Variants in CHURC1 observed in about 807,000 individuals in gnomAD.
CHURC1 encodes the protein protein Churchill.
Under a neutral mutation model 15.4 loss-of-function variants are expected in CHURC1, and 12 were observed. The ratio of observed to expected loss-of-function variants is 0.78; its 90% confidence interval spans 0.50 to 1.27. The LOEUF (loss-of-function observed/expected upper bound fraction) is 1.27, where lower values mean the gene tolerates loss of function less well. CHURC1 is among the 50% of genes most tolerant of loss of function. CHURC1 has a pLI of 0.00. For synonymous variants in CHURC1, 42 were observed against 47.5 expected (o/e 0.88, Z 0.48); for missense variants, 132 against 137.8 (o/e 0.96, Z 0.21).
chr14:64,926,920 G>A (rs1884751313), intron 3 of CHURC1, among the ~76,000 whole-genome samples: 1 of 152,162 alleles, frequency 6.6e-6, no homozygotes, highest in African/African-American at 2.4e-5. Context: ...GGCAGTCGGG[G>A]AGAGCCAGGG....
In CHURC1 at chr14:64,920,008, A is replaced by G. The variant is rs187481102; in HGVS notation, c.40-3983A>G. Among the ~76,000 whole-genome samples, 3 of 152,256 alleles carry G rather than the reference A, an allele frequency of 2.0e-5. No homozygotes were observed. In the East Asian group the frequency reaches 5.8e-4, roughly 29 times the overall value. On this transcript the variant is annotated intron_variant, in intron 1 of 3. Transcript: ENST00000549115. ...TGAGAGAATACAGTAGAGAAAATCA[A>G]TGAAACAAAAAATTGGTTCTTTAAG...
intron 3 of CHURC1, among the ~76,000 whole-genome samples, chr14:64,931,194 CT>C (rs779737721): frequency 1.1e-4 from 17 of 152,218 alleles, no homozygotes; most frequent in Non-Finnish European, 2.1e-4. Context: ...AAATATGTCT[CT>C]GTAGTTTATG....
intron 1 of CHURC1, among the ~76,000 whole-genome samples, chr14:64,915,928 C>T (rs1883854271): frequency 6.6e-6 from 1 of 152,124 alleles, no homozygotes; most frequent in African/African-American, 2.4e-5. Context: ...ATTTTTGGCT[C>T]TTAGGAGACA....
rs1415026064 is a variant in CHURC1 at position 64,914,463 on chromosome 14, C to T, written c.-33C>T. ...TCGCGAGGTTTCGTCTTCCCGGAAG[C>T]GTTGGAGGACATTCCCTGTTGACTG... On this transcript the variant is annotated 5_prime_UTR_variant, in exon 1 of 4. Transcript: ENST00000549115. 1.1e-5 allele frequency: 17 copies of T among 1,614,182 alleles called. No individual in the cohort carries two copies. The East Asian group carries it at 2.2e-4, about 21-fold the overall frequency.
chr14:64,916,162 T>A (rs896797323), intron 1 of CHURC1, among the ~76,000 whole-genome samples: 9 of 152,120 alleles, frequency 5.9e-5, no homozygotes, highest in Non-Finnish European at 8.8e-5. Flanking sequence ...TTACAAATAG[T>A]GTTGATGAAA....
chr14:64,934,019 T>A lies in CHURC1; in HGVS notation c.*1789T>A. The A allele has an allele frequency of 1.0e-6, 1 of 972,856 alleles. No homozygotes were observed. The highest frequency in any genetic ancestry group is 1.1e-4 in the East Asian group (1 of 8,696). The allele number at this position is 972,856 out of a possible 1,614,324, so 60.3% of individuals were successfully genotyped here. A position where few individuals can be genotyped will look rare whatever the true frequency, so the allele number is the denominator to read the frequency against. On this transcript the variant is annotated 3_prime_UTR_variant, in exon 4 of 4. Transcript: ENST00000549115. The stretch of plus-strand genomic sequence containing the variant: ...CTATTCTTTATTTCAGTGTAGCACT[T>A]TTAGAGCCAAAAAAACTCAGGCACA...
rs565626186 is a variant in CHURC1 at position 64,932,774 on chromosome 14, A to G, written c.*544A>G. On this transcript the variant is annotated 3_prime_UTR_variant, in exon 4 of 4. Transcript: ENST00000549115. ...GGTTATAACCCAAACTATATAATAA[A>G]TATTTACAAGCCCAAACTAATATAA... 1 of 152,436 alleles carries G rather than the reference A, an allele frequency of 6.6e-6. No individual in the cohort carries two copies. Among genetic ancestry groups the G allele is most frequent in the South Asian group, 2.1e-4 (1 of 4,838 alleles). 9.4% of individuals were successfully genotyped at this position (152,436 alleles called of 1,614,324 possible).
chr14:64,921,459 C>T (rs901923551), intron 1 of CHURC1, among the ~76,000 whole-genome samples: 11 of 139,032 alleles, frequency 7.9e-5, no homozygotes, highest in Non-Finnish European at 9.2e-5. Flanking sequence ...ATATAAAGAA[C>T]TCTTACAACT....
Position 64,933,998 on chromosome 14 carries a change from T to A in CHURC1, c.*1768T>A. On this transcript the variant is annotated 3_prime_UTR_variant, in exon 4 of 4. Transcript: ENST00000549115. ...TCATGAAAAGGTTTATATTCACTAT[T>A]CTTTATTTCAGTGTAGCACTTTTAG... The A allele has an allele frequency of 1.0e-6, 1 of 985,320 alleles. No homozygotes were observed. The highest frequency in any genetic ancestry group is 1.2e-6 in the Non-Finnish European group (1 of 829,916). The allele number at this position is 985,320 out of a possible 1,614,324, so 61.0% of individuals were successfully genotyped here.
intron 3 of CHURC1, among the ~76,000 whole-genome samples, chr14:64,929,591 C>A (rs1157850374): frequency 6.6e-6 from 1 of 151,672 alleles, no homozygotes; most frequent in Non-Finnish European, 1.5e-5. Context: ...TATTAAACAT[C>A]TTATAGGAGA....
At chr14:64,928,351 G>A (rs1450935547) in intron 3 of CHURC1, among the ~76,000 whole-genome samples, 3 of 152,112 alleles carry the variant, frequency 2.0e-5, no homozygotes, top group East Asian at 1.9e-4. Flanking sequence ...GTGCTCAGGC[G>A]ATCCTTCTGC....
intron 1 of CHURC1, among the ~76,000 whole-genome samples, chr14:64,917,145 G>T (rs986310291): frequency 2.6e-5 from 4 of 152,108 alleles, no homozygotes; most frequent in Non-Finnish European, 4.4e-5. Flanking sequence ...TTCAAAGAAA[G>T]AATTAGGTTG....
chr14:64,921,367 G>A (rs182231616), intron 1 of CHURC1, among the ~76,000 whole-genome samples: 27 of 152,222 alleles, frequency 1.8e-4, no homozygotes, highest in Middle Eastern at 6.8e-3. Flanking sequence ...ATCAAAACTT[G>A]TTTGCTCATT....
chr14:64,934,257 A>T lies in CHURC1; in HGVS notation c.*2027A>T. On this transcript the variant is annotated 3_prime_UTR_variant, in exon 4 of 4. Transcript: ENST00000549115. ...CCAGCAACATGGGAGGCTGAACAGG[A>T]GAATCGCTTGAACCCGCGACAGGGA... The T allele has an allele frequency of 3.2e-6, 1 of 316,458 alleles. No individual in the cohort carries two copies. 19.6% of individuals were successfully genotyped at this position (316,458 alleles called of 1,614,324 possible).
chr14:64,924,377 T>A, intron 2 of CHURC1: 1 of 288,308 alleles, frequency 3.5e-6, no homozygotes, highest in Non-Finnish European at 6.3e-6. Flanking sequence ...TATCAAATTA[T>A]TTTTCACGGA....
intron 1 of CHURC1, among the ~76,000 whole-genome samples, chr14:64,921,830 T>G (rs978780393): frequency 2.0e-5 from 3 of 152,210 alleles, no homozygotes; most frequent in Middle Eastern, 3.2e-3. Flanking sequence ...CATCCAAGAC[T>G]TGCACATGAA....
At chr14:64,916,072 A>G (rs1331140751) in intron 1 of CHURC1, among the ~76,000 whole-genome samples, 1 of 152,240 alleles carries the variant, frequency 6.6e-6, no homozygotes, top group East Asian at 1.9e-4. Context: ...ATCACTCCCA[A>G]TGTCAATAGT....
At chr14:64,923,006 C>G (rs1277193520) in intron 1 of CHURC1, among the ~76,000 whole-genome samples, 1 of 152,124 alleles carries the variant, frequency 6.6e-6, no homozygotes, top group African/African-American at 2.4e-5. Flanking sequence ...CACAGATGCA[C>G]TGGAGAAACG....
chr14:64,934,201 TAGCC>T lies in CHURC1; in HGVS notation c.*1974_*1977del, dbSNP rs1280043814. The T allele has an allele frequency of 2.5e-5, 10 of 392,742 alleles. No homozygotes were observed. The highest frequency in any genetic ancestry group is 1.8e-4 in the African/African-American group (8 of 45,616). The allele number at this position is 392,742 out of a possible 1,614,324, so 24.3% of individuals were successfully genotyped here. A position where few individuals can be genotyped will look rare whatever the true frequency, so the allele number is the denominator to read the frequency against. ...TTACTAAAAATACAAAAACAAAAATTAGCCAGGGGTGGTGGTATGCACCTGCAGT... is the reference window on the plus strand; with the variant it reads ...TTACTAAAAATACAAAAACAAAAATTAGGGGTGGTGGTATGCACCTGCAGT... On this transcript the variant is annotated 3_prime_UTR_variant, in exon 4 of 4. Coordinates refer to ENST00000549115, the MANE Select transcript of CHURC1 (RefSeq NM_001386928.1).
Sources: allele counts gnomAD v4.1 joint callset (sites outside exome capture counted in the v4.1 genomes callset), GRCh38; gene constraint gnomAD v4.1.1; transcripts MANE v1.5; gene names NCBI Gene and HGNC (gene_info 2026-07-23, HGNC 2026-07-21).